Variants in PSD3 observed in about 807,000 individuals in gnomAD.
PSD3 encodes pleckstrin and Sec7 domain containing 3, also known as PH and SEC7 domain-containing protein 3.
Under a neutral mutation model 105.5 loss-of-function variants are expected in PSD3, and 49 were observed. The observed-to-expected ratio is 0.46, with a 90% CI of 0.37 to 0.59. The LOEUF is 0.59. Ranked by LOEUF, PSD3 falls within the 20% of genes least tolerant of loss-of-function variation. PSD3 has a pLI of 0.00. For missense variants in PSD3, 1,561 were observed against 1,263.8 expected (o/e 1.24, Z -3.57); for synonymous variants, 557 against 457.8 (o/e 1.22, Z -2.77).
chr8:19,012,726 T>C (rs1695234177), intron 1 of PSD3, among the ~76,000 whole-genome samples: 1 of 152,232 alleles, frequency 6.6e-6, no homozygotes, highest in African/African-American at 2.4e-5. Flanking sequence ...ACGAACGCAT[T>C]GAGGCATTTG....
At chr8:18,594,777 T>C (rs1452861812) in intron 12 of PSD3, among the ~76,000 whole-genome samples, 1 of 152,032 alleles carries the variant, frequency 6.6e-6, no homozygotes, top group Non-Finnish European at 1.5e-5. Flanking sequence ...ACATCATCTC[T>C]AGATTACTCA....
intron 1 of PSD3, among the ~76,000 whole-genome samples, chr8:19,058,814 T>G (rs1372919833): frequency 6.6e-6 from 1 of 152,148 alleles, no homozygotes; most frequent in Non-Finnish European, 1.5e-5. Flanking sequence ...AGCCATCACG[T>G]GGAGCACCTT....
chr8:18,593,194 G>A (rs575596968), intron 12 of PSD3, among the ~76,000 whole-genome samples: 4 of 152,128 alleles, frequency 2.6e-5, no homozygotes, highest in Non-Finnish European at 5.9e-5. Context: ...GCAACCTACA[G>A]AATGGGAGAA....
chr8:19,013,531 C>CCCCGCG (rs760249142), intron 1 of PSD3, 32 bp downstream of exon 1: 15 of 1,576,082 alleles, frequency 9.5e-6, no homozygotes, highest in Middle Eastern at 1.7e-4. Context: ...CGCGTGCGCA[C>CCCCGCG]CCCGCGCCCG....
intron 4 of PSD3, among the ~76,000 whole-genome samples, chr8:18,815,140 G>T (rs1014625086): frequency 6.6e-6 from 1 of 152,010 alleles, no homozygotes; most frequent in Non-Finnish European, 1.5e-5. Context: ...TCTAGCCAGG[G>T]AATATTAGAG....
intron 1 of PSD3, among the ~76,000 whole-genome samples, chr8:19,011,065 T>C (rs2129475332): frequency 6.6e-6 from 1 of 152,108 alleles, no homozygotes; most frequent in African/African-American, 2.4e-5. Flanking sequence ...CAATCATGTC[T>C]GAATTCCTTT....
At chr8:18,860,603 T>G (rs1816367188) in intron 4 of PSD3, among the ~76,000 whole-genome samples, 1 of 152,160 alleles carries the variant, frequency 6.6e-6, no homozygotes, top group Non-Finnish European at 1.5e-5. Flanking sequence ...CCCTTTTGAG[T>G]TCAGGCAAAT....
intron 9 of PSD3, among the ~76,000 whole-genome samples, chr8:18,680,727 G>T (rs1386454740): frequency 2.6e-5 from 4 of 152,170 alleles, no homozygotes; most frequent in Admixed American, 2.6e-4. Flanking sequence ...GGAGAAGGGG[G>T]TTTTAAAGAA....
intron 12 of PSD3, among the ~76,000 whole-genome samples, chr8:18,584,519 G>A (rs1173870676): frequency 6.6e-6 from 1 of 152,176 alleles, no homozygotes; most frequent in Non-Finnish European, 1.5e-5. Flanking sequence ...TTTAAAAAAT[G>A]GGAACAGTAT....
chr8:18,736,515 T>C (rs1469835857), intron 9 of PSD3, among the ~76,000 whole-genome samples: 3 of 152,202 alleles, frequency 2.0e-5, no homozygotes, highest in Non-Finnish European at 4.4e-5. Context: ...AACTAGAGTC[T>C]ATTTATTAAT....
chr8:18,718,825 A>T (rs1318835674), intron 9 of PSD3, among the ~76,000 whole-genome samples: 2 of 152,086 alleles, frequency 1.3e-5, no homozygotes, highest in South Asian at 2.1e-4. Context: ...GTGCAAAAAA[A>T]CCCCACCTAA....
rs952318109 is a variant in PSD3, at chr8:18,754,974, G to C, written c.2172+10475C>G. ...TTGCATTGCTGGTCTGCTGAAAGGA[G>C]GGCATCAATCATCCCAAGGAGCTCC... On this transcript the variant is annotated intron_variant, in intron 9 of 15. Coordinates refer to ENST00000327040, the MANE Select transcript of PSD3 (RefSeq NM_015310.4). Among the ~76,000 whole-genome samples, 29 of 152,118 alleles carry C rather than the reference G, an allele frequency of 1.9e-4. 1 individual carries two copies. Among genetic ancestry groups the C allele is most frequent in the African/African-American group, 6.5e-4 (27 of 41,418 alleles).
intron 8 of PSD3, among the ~76,000 whole-genome samples, chr8:18,766,333 C>CA (rs1420333315): frequency 6.6e-6 from 1 of 152,040 alleles, no homozygotes; most frequent in African/African-American, 2.4e-5. Flanking sequence ...AACTGTATCT[C>CA]AAAAAACAAA....
intron 9 of PSD3, among the ~76,000 whole-genome samples, chr8:18,762,160 G>A (rs971122928): frequency 6.6e-6 from 1 of 152,148 alleles, no homozygotes; most frequent in Non-Finnish European, 1.5e-5. Flanking sequence ...TGGATCAGGA[G>A]GGCGGAGCTC....
At chr8:18,718,566 A>G (rs1199944917) in intron 9 of PSD3, among the ~76,000 whole-genome samples, 1 of 152,246 alleles carries the variant, frequency 6.6e-6, no homozygotes, top group Admixed American at 6.5e-5. Flanking sequence ...GCTAAAACAA[A>G]TGTTTAATAC....
At chr8:18,664,391 C>G (rs539845007) in intron 9 of PSD3, among the ~76,000 whole-genome samples, 85 of 152,282 alleles carry the variant, frequency 5.6e-4, no homozygotes, top group Non-Finnish European at 9.8e-4. Context: ...ATCAAACTAG[C>G]CACAACATTC....
intron 15 of PSD3, among the ~76,000 whole-genome samples, chr8:18,553,248 A>G (rs1268948434): frequency 2.0e-5 from 3 of 152,204 alleles, no homozygotes; most frequent in African/African-American, 7.2e-5. Flanking sequence ...ACCCACCATA[A>G]GAGGAGGTGA....
chr8:18,929,069 A>G (rs746468494), intron 2 of PSD3, among the ~76,000 whole-genome samples: 31 of 152,142 alleles, frequency 2.0e-4, no homozygotes, highest in Admixed American at 7.2e-4. Flanking sequence ...AATCCACTGA[A>G]TTTTACACAT....
Position 18,555,271 on chromosome 8 carries a change from C to T in PSD3, c.2928+938G>A, listed in dbSNP as rs376968722. ...GGTGTGAGACGCCACAGACACTGAT[C>T]GCTAGGATGTGGACACTTAGAAGAT... On this transcript the variant is annotated intron_variant, in intron 15 of 15. Transcript: ENST00000327040. Among the ~76,000 whole-genome samples the T allele has an allele frequency of 2.6e-5, 4 of 152,020 alleles. No homozygotes were observed. In the East Asian group the frequency reaches 5.8e-4, roughly 22 times the overall value.
Sources: gnomAD v4.1 joint callset for allele counts (sites outside exome capture counted in the v4.1 genomes callset) on GRCh38, gnomAD v4.1.1 for gene constraint, MANE v1.5 for transcripts, NCBI Gene and HGNC (gene_info 2026-07-23, HGNC 2026-07-21) for gene names.